The following SHISA9 variants were observed in gnomAD, a reference collection of about 807,000 sequenced individuals.
SHISA9 encodes shisa family member 9, also known as protein shisa-9.
In SHISA9, 13 loss-of-function variants were observed where a neutral mutation model predicts 38.0. The ratio of observed to expected loss-of-function variants is 0.34; its 90% CI spans 0.22 to 0.54. The LOEUF (loss-of-function observed/expected upper bound fraction) is 0.54. Among genes scored for constraint, SHISA9 ranks in the 20% least tolerant of loss-of-function variants. The pLI, the probability that SHISA9 is intolerant of heterozygous loss-of-function variation, is 0.91. For synonymous variants in SHISA9, 275 were observed against 242.0 expected, an observed-to-expected ratio of 1.14 and a Z score of -1.27; for missense variants, 538 against 575.8, an observed-to-expected ratio of 0.93 and a Z score of 0.67.
chr16:13,124,745 G>A (rs963012503), intron 2 of SHISA9, among the ~76,000 whole-genome samples: 2 of 152,130 alleles, frequency 1.3e-5, no homozygotes, highest in South Asian at 4.1e-4. Context: ...AACCAAAATA[G>A]CATGGCACTG....
At chr16:12,984,513 T>C (rs2072281777) in intron 2 of SHISA9, among the ~76,000 whole-genome samples, 1 of 152,222 alleles carries the variant, frequency 6.6e-6, no homozygotes, top group South Asian at 2.1e-4. Context: ...TGGGACACTT[T>C]CCTTAGATTA....
chr16:13,228,229 T>C (rs916459694), intron 4 of SHISA9, among the ~76,000 whole-genome samples: 1 of 152,190 alleles, frequency 6.6e-6, no homozygotes, highest in Non-Finnish European at 1.5e-5. Context: ...CCAAACACTT[T>C]CTGTGCTCAG....
the SHISA9 span, among the ~76,000 whole-genome samples, chr16:13,483,686 G>C: frequency 6.6e-6 from 1 of 151,968 alleles, no homozygotes; most frequent in African/African-American, 2.4e-5. Flanking sequence ...CCCAGAGAGA[G>C]TCCTGCTTTA....
intron 4 of SHISA9, among the ~76,000 whole-genome samples, chr16:13,233,672 C>T (rs549977815): frequency 2.0e-5 from 3 of 152,300 alleles, no homozygotes; most frequent in African/African-American, 7.2e-5. Flanking sequence ...AGGATGTGGC[C>T]AGATTTGGCC....
chr16:13,340,653 T>C, the SHISA9 span, among the ~76,000 whole-genome samples: 1 of 152,222 alleles, frequency 6.6e-6, no homozygotes, highest in African/African-American at 2.4e-5. Flanking sequence ...CAGTCACTTT[T>C]TCCCTGCTTC....
the SHISA9 span, among the ~76,000 whole-genome samples, chr16:13,389,564 A>C: frequency 6.6e-6 from 1 of 152,206 alleles, no homozygotes; most frequent in African/African-American, 2.4e-5. Context: ...TGATTCACCT[A>C]CTGAAGGATA....
chr16:13,228,333 T>C (rs1404825686), intron 4 of SHISA9, among the ~76,000 whole-genome samples: 2 of 152,236 alleles, frequency 1.3e-5, no homozygotes, highest in African/African-American at 4.8e-5. Flanking sequence ...TGTTTCCTCT[T>C]AATGGGATTT....
At chr16:13,094,737 G>A (rs1260994126) in intron 2 of SHISA9, among the ~76,000 whole-genome samples, 1 of 152,162 alleles carries the variant, frequency 6.6e-6, no homozygotes, top group Non-Finnish European at 1.5e-5. Context: ...AAATGAGGAA[G>A]AAAGTGTTAT....
intron 2 of SHISA9, among the ~76,000 whole-genome samples, chr16:13,178,609 T>C (rs140095126): frequency 6.6e-6 from 1 of 151,990 alleles, no homozygotes; most frequent in Non-Finnish European, 1.5e-5. Context: ...GTCCTCCCCG[T>C]CCCCAGCAAC....
intron 2 of SHISA9, among the ~76,000 whole-genome samples, chr16:12,954,767 TAC>T (rs1054838050): frequency 7.9e-5 from 12 of 152,188 alleles, no homozygotes; most frequent in African/African-American, 2.7e-4. Flanking sequence ...CATCTTGAGT[TAC>T]ACAGCCATTA....
chr16:13,468,474 G>A, the SHISA9 span, among the ~76,000 whole-genome samples: 3 of 152,146 alleles, frequency 2.0e-5, no homozygotes, highest in African/African-American at 7.2e-5. Context: ...ATTTACCCAA[G>A]CATCCATCTG....
At chr16:13,328,627 CACACACACAT>C in the SHISA9 span, among the ~76,000 whole-genome samples, 250 of 109,642 alleles carry the variant, frequency 2.3e-3, 3 homozygotes, top group African/African-American at 6.8e-3. Context: ...CACACACACA[CACACACACAT>C]ATATATTGTA....
At chr16:13,483,524 G>A in the SHISA9 span, among the ~76,000 whole-genome samples, 1 of 152,068 alleles carries the variant, frequency 6.6e-6, no homozygotes, top group Non-Finnish European at 1.5e-5. Flanking sequence ...ACAATCCATG[G>A]CTCATAGCTT....
the SHISA9 span, among the ~76,000 whole-genome samples, chr16:13,293,364 T>C: frequency 6.6e-6 from 1 of 152,296 alleles, no homozygotes; most frequent in African/African-American, 2.4e-5. Flanking sequence ...CATTAAGTCA[T>C]GTTTGTTGTA....
At chr16:13,352,707 GGGGGGC>G in the SHISA9 span, among the ~76,000 whole-genome samples, 13 of 11,240 alleles carry the variant, frequency 1.2e-3, 1 homozygote, top group East Asian at 0.045. Flanking sequence ...TAAGGGGGGG[GGGGGGC>G]GGGGCGTTTT....
intron 4 of SHISA9, among the ~76,000 whole-genome samples, chr16:13,219,759 C>T (rs113598607): frequency 3.0e-4 from 45 of 152,218 alleles, no homozygotes; most frequent in African/African-American, 1.1e-3. Context: ...GAATTCAAGA[C>T]CAACCTGGCC....
the SHISA9 span, among the ~76,000 whole-genome samples, chr16:13,526,014 G>A: frequency 2.0e-5 from 3 of 152,204 alleles, no homozygotes; most frequent in Non-Finnish European, 4.4e-5. Context: ...AAGCTTGGCT[G>A]TATATCAGAA....
chr16:13,473,350 T>C, the SHISA9 span, among the ~76,000 whole-genome samples: 1 of 56,544 alleles, frequency 1.8e-5, no homozygotes, highest in Non-Finnish European at 3.8e-5. Context: ...TCTTTCTTTC[T>C]TTTTTTTTTT....
chr16:13,508,305 ATGCACCATCATT>A, the SHISA9 span, among the ~76,000 whole-genome samples: 1 of 152,330 alleles, frequency 6.6e-6, no homozygotes, highest in East Asian at 1.9e-4. Context: ...TAGCTGCATA[ATGCACCATCATT>A]TAATGAACCA....
Sources: gnomAD v4.1 joint callset for allele counts (sites outside exome capture counted in the v4.1 genomes callset) on GRCh38, gnomAD v4.1.1 for gene constraint, MANE v1.5 for transcripts, NCBI Gene and HGNC (gene_info 2026-07-23, HGNC 2026-07-21) for gene names.